UBE2N: variants seen among roughly 807,000 people sequenced by gnomAD.
The protein encoded by UBE2N is ubiquitin-conjugating enzyme E2 N.
For missense variants in UBE2N, 60 were observed against 192.1 expected, an observed-to-expected ratio of 0.31 and a Z score of 4.07; for synonymous variants, 70 against 69.2, an observed-to-expected ratio of 1.01 and a Z score of -0.06.
At chr12:93,428,521 T>C (rs770118852) in intron 1 of UBE2N, among the ~76,000 whole-genome samples, 2 of 152,224 alleles carry the variant, frequency 1.3e-5, no homozygotes, top group Non-Finnish European at 2.9e-5. Context: ...ATTGATGCCT[T>C]TGTATTCAAT....
At chr12:93,439,975 T>G (rs1451591712) in intron 1 of UBE2N, among the ~76,000 whole-genome samples, 4 of 152,244 alleles carry the variant, frequency 2.6e-5, no homozygotes, top group African/African-American at 9.6e-5. Context: ...GACTTCAACT[T>G]ATTGCCTTAA....
rs1339549730 is a variant in UBE2N at position 93,407,579 on chromosome 12, CTCAGT to C, written c.*2455_*2459del. On this transcript the variant is annotated 3_prime_UTR_variant, in exon 4 of 4. Transcript: ENST00000318066. The stretch of plus-strand genomic sequence containing the variant: ...TTAGGGTGTCTGCTACTCAGATCCT[CTCAGT>C]TAAGTCCCGTGCACAAAGGTGGGTC... 2 of 152,240 alleles carry C rather than the reference CTCAGT, an allele frequency of 1.3e-5. No homozygotes were observed. The highest frequency in any genetic ancestry group is 2.9e-5 in the Non-Finnish European group (2 of 68,058). 9.4% of individuals were successfully genotyped at this position (152,240 alleles called of 1,614,324 possible).
In UBE2N at chr12:93,441,880, G is replaced by A. The variant is rs1293576319; in HGVS notation, c.5C>T (p.Ala2Val). Residue 2 changes from alanine (A) to valine (V), a missense_variant, in exon 1 of 4, where the codon GCC becomes GTC. By Grantham distance (64) the Ala-to-Val change is moderately conservative. Transcript: ENST00000318066. The part of the protein sequence containing the change: M[A>V]GLPRRIIKET... ...CTTGATGATCCTGCGGGGCAGCCCG[G>A]CCATCTTGTCAGAACCCGAGTTCGG... 4.4e-6 allele frequency: 7 copies of A among 1,578,478 alleles called. No individual in the cohort carries two copies. The highest frequency in any genetic ancestry group is 3.4e-6 in the Non-Finnish European group (4 of 1,164,926).
At chr12:93,420,939 T>C (rs1001584127) in intron 1 of UBE2N, among the ~76,000 whole-genome samples, 1 of 152,088 alleles carries the variant, frequency 6.6e-6, no homozygotes, top group Non-Finnish European at 1.5e-5. Context: ...AGGGACCACA[T>C]GCAATTATCA....
rs986221314 is a variant in UBE2N, at chr12:93,406,449, G to A, written c.*3590C>T. On this transcript the variant is annotated 3_prime_UTR_variant, in exon 4 of 4. Coordinates refer to ENST00000318066, the MANE Select transcript of UBE2N (RefSeq NM_003348.4). ...TCTCCATCAAACAACCATAGCACCT[G>A]TGACTTTTATCTGTTGGTTTGTATT... 6.6e-5 allele frequency: 10 copies of A among 152,084 alleles called. No homozygotes were observed. The highest frequency in any genetic ancestry group is 1.9e-4 in the African/African-American group (8 of 41,398). The allele number at this position is 152,084 out of a possible 1,614,324, so 9.4% of individuals were successfully genotyped here.
intron 1 of UBE2N, among the ~76,000 whole-genome samples, chr12:93,430,600 G>A (rs566452962): frequency 1.3e-4 from 19 of 151,760 alleles, no homozygotes; most frequent in African/African-American, 4.4e-4. Flanking sequence ...TTACAATAAA[G>A]AGACTTCTGA....
chr12:93,428,370 C>A (rs1465314863), intron 1 of UBE2N, among the ~76,000 whole-genome samples: 2 of 152,210 alleles, frequency 1.3e-5, no homozygotes, highest in African/African-American at 4.8e-5. Context: ...CAAATATCTC[C>A]TGGGTCTGGT....
Position 93,408,652 on chromosome 12 carries a change from C to T in UBE2N, c.*1387G>A, listed in dbSNP as rs747803618. The T allele has an allele frequency of 6.6e-5, 10 of 152,012 alleles. No individual in the cohort carries two copies. Among genetic ancestry groups the T allele is most frequent in the Non-Finnish European group, 1.0e-4 (7 of 67,996 alleles). 9.4% of individuals were successfully genotyped at this position (152,012 alleles called of 1,614,324 possible). On this transcript the variant is annotated 3_prime_UTR_variant, in exon 4 of 4. Coordinates refer to ENST00000318066, the MANE Select transcript of UBE2N (RefSeq NM_003348.4). ...GAACAGTTTTGTGAGGGGAGGAATTCGTCAATAAAGAAGAAAAATTACTGA... is the reference window on the plus strand; with the variant it reads ...GAACAGTTTTGTGAGGGGAGGAATTTGTCAATAAAGAAGAAAAATTACTGA...
chr12:93,427,515 G>A (rs530172092), intron 1 of UBE2N, among the ~76,000 whole-genome samples: 74 of 152,326 alleles, frequency 4.9e-4, no homozygotes, highest in Non-Finnish European at 9.1e-4. Context: ...GCCACATATT[G>A]TATAATTCCA....
intron 1 of UBE2N, among the ~76,000 whole-genome samples, chr12:93,425,342 AT>A (rs1878548694): frequency 3.9e-5 from 6 of 152,184 alleles, no homozygotes; most frequent in Admixed American, 3.9e-4. Flanking sequence ...ATAAAACATT[AT>A]TTTAGTCATG....
chr12:93,423,076 C>A (rs954692945), intron 1 of UBE2N, among the ~76,000 whole-genome samples: 48 of 152,176 alleles, frequency 3.2e-4, no homozygotes, highest in African/African-American at 1.1e-3. Flanking sequence ...CAGTAGTTAC[C>A]ACTAAGACAG....
chr12:93,421,447 C>T (rs760910703), intron 1 of UBE2N, among the ~76,000 whole-genome samples: 3 of 152,100 alleles, frequency 2.0e-5, no homozygotes, highest in Non-Finnish European at 4.4e-5. Context: ...CGTGATCTGC[C>T]GGGCCCGGCC....
intron 1 of UBE2N, among the ~76,000 whole-genome samples, chr12:93,434,990 C>T (rs968682003): frequency 3.3e-5 from 5 of 151,988 alleles, no homozygotes; most frequent in African/African-American, 7.3e-5. Context: ...ACTGCAGCCC[C>T]GGCCTCCTGG....
At chr12:93,440,217 T>C (rs1268731336) in intron 1 of UBE2N, among the ~76,000 whole-genome samples, 1 of 152,196 alleles carries the variant, frequency 6.6e-6, no homozygotes, top group Non-Finnish European at 1.5e-5. Flanking sequence ...TATCACTCCC[T>C]ATTCATTTTT....
In UBE2N at chr12:93,413,324, G is replaced by A. The variant is rs562509831; in HGVS notation, c.31-2025C>T. Among the ~76,000 whole-genome samples, 15 of 152,050 alleles carry A rather than the reference G, an allele frequency of 9.9e-5. No individual in the cohort carries two copies. In the East Asian group the frequency reaches 2.3e-3, roughly 24 times the overall value. On this transcript the variant is annotated intron_variant, in intron 1 of 3. Transcript: ENST00000318066. Reference sequence around the variant, plus strand: ...TTGGTTTCTTCTATCTCCCAACATCGCAACACTGAAATGCACTGGGGCTCT... The same window carrying A: ...TTGGTTTCTTCTATCTCCCAACATCACAACACTGAAATGCACTGGGGCTCT...
chr12:93,415,918 T>C (rs993494082), intron 1 of UBE2N, among the ~76,000 whole-genome samples: 13 of 152,182 alleles, frequency 8.5e-5, no homozygotes, highest in African/African-American at 3.1e-4. Flanking sequence ...AGGTATGGCA[T>C]TTACTTTCTC....
chr12:93,411,311 A>T lies in UBE2N; in HGVS notation c.31-12T>A. 2 of 1,577,222 alleles carry T rather than the reference A, an allele frequency of 1.3e-6. No homozygotes were observed. The highest frequency in any genetic ancestry group is 2.3e-5 in the South Asian group (2 of 85,802). On this transcript the variant is annotated splice_polypyrimidine_tract_variant and intron_variant, in intron 1 of 3. Coordinates refer to ENST00000318066, the MANE Select transcript of UBE2N (RefSeq NM_003348.4). ...AAACGCTGGGTTTCCTATGACAGAA[A>T]AACAAACACATTTGTGAAACAAATG...
Position 93,407,291 on chromosome 12 carries a change from A to T in UBE2N, c.*2748T>A, listed in dbSNP as rs1877872325. ...TCTGTCCAAGTTACTTCTCTTTTCC[A>T]TGACAGAGTTACAACTATTTGTCTG... On this transcript the variant is annotated 3_prime_UTR_variant, in exon 4 of 4. Transcript: ENST00000318066. 6.6e-6 allele frequency: 1 copy of T among 152,254 alleles called. No individual in the cohort carries two copies. Among genetic ancestry groups the T allele is most frequent in the African/African-American group, 2.4e-5 (1 of 41,438 alleles). 9.4% of individuals were successfully genotyped at this position (152,254 alleles called of 1,614,324 possible).
Position 93,408,413 on chromosome 12 carries a change from T to C in UBE2N, c.*1626A>G, listed in dbSNP as rs1286326689. On this transcript the variant is annotated 3_prime_UTR_variant, in exon 4 of 4. Coordinates refer to ENST00000318066, the MANE Select transcript of UBE2N (RefSeq NM_003348.4). ...TTAATAGTTAATTCTTCATCTTACA[T>C]AGGAGCACAATAAAATACACCACAA... 6.6e-6 allele frequency: 1 copy of C among 152,166 alleles called. No homozygotes were observed. The highest frequency in any genetic ancestry group is 6.5e-5 in the Admixed American group (1 of 15,288). 9.4% of individuals were successfully genotyped at this position (152,166 alleles called of 1,614,324 possible). A position where few individuals can be genotyped will look rare whatever the true frequency, so the allele number is the denominator to read the frequency against.
Sources: allele counts gnomAD v4.1 joint callset (sites outside exome capture counted in the v4.1 genomes callset), GRCh38; gene constraint gnomAD v4.1.1; transcripts MANE v1.5; gene names NCBI Gene and HGNC (gene_info 2026-07-23, HGNC 2026-07-21).